The following USP40 variants were observed in gnomAD, a reference collection of about 807,000 sequenced individuals.
The protein encoded by USP40 is ubiquitin carboxyl-terminal hydrolase 40.
In USP40, 143 loss-of-function variants were observed where a neutral mutation model predicts 166.2. That is an observed-to-expected ratio of 0.86 (90% CI 0.75 to 0.99). The LOEUF is 0.99. Ranked by LOEUF, USP40 falls within the 50% of genes least tolerant of loss-of-function variation. The probability of loss-of-function intolerance (pLI) is 0.00; values close to 1 mark genes in which losing one functional copy is unlikely to be tolerated. For synonymous variants in USP40, 498 were observed against 524.0 expected (o/e 0.95, Z 0.68); for missense variants, 1,444 against 1,479.7 (o/e 0.98, Z 0.40).
chr2:233,565,431 C>T lies in USP40; in HGVS notation c.124G>A (p.Gly42Arg), dbSNP rs566205386. 26 of 1,537,220 alleles carry T rather than the reference C, an allele frequency of 1.7e-5. No individual in the cohort carries two copies. Among genetic ancestry groups the T allele is most frequent in the Admixed American group, 1.2e-4 (6 of 50,992 alleles). ...PAPREFTNLS[G>R]IRNQGGTCYL... is the part of the protein sequence containing the mutation. ...CAGGTTCCACCCTGATTTCTGATTC[C>T]GCTTAAATTGGTGAATTCTCTAGGA... The change falls in exon 2 of 32, where the codon GGA (glycine) becomes AGA (arginine). Residue 42 changes from glycine to arginine, a missense_variant. By Grantham distance (125) the Gly-to-Arg change is moderately radical. Transcript: ENST00000678225.
chr2:233,550,794 C>A (rs1009539060), intron 7 of USP40, among the ~76,000 whole-genome samples: 1 of 151,972 alleles, frequency 6.6e-6, no homozygotes, highest in Non-Finnish European at 1.5e-5. Context: ...CTTTTCTTTC[C>A]CTATGTCTTA....
At chr2:233,515,564 T>G (rs1249264705) in intron 18 of USP40, among the ~76,000 whole-genome samples, 5 of 146,546 alleles carry the variant, frequency 3.4e-5, no homozygotes, top group South Asian at 2.2e-4. Context: ...GTTACAAGGG[T>G]TTTTTTTTTT....
intron 11 of USP40, 67 bp from the exon 12 acceptor site, chr2:233,529,579 TGAAGACTAG>T: frequency 8.1e-7 from 1 of 1,238,644 alleles, no homozygotes; most frequent in Non-Finnish European, 1.1e-6. Context: ...AGAGGTAGCA[TGAAGACTAG>T]GAAGGACTGT....
chr2:233,488,065 A>G (rs1402103032), intron 28 of USP40, 174 bp downstream of exon 28: 1 of 723,994 alleles, frequency 1.4e-6, no homozygotes, highest in Non-Finnish European at 2.5e-6. Flanking sequence ...ATAAGTCCCA[A>G]GTTTTAGATG....
intron 4 of USP40, among the ~76,000 whole-genome samples, chr2:233,559,008 T>G (rs1451018095): frequency 6.6e-6 from 1 of 152,208 alleles, no homozygotes; most frequent in Non-Finnish European, 1.5e-5. Flanking sequence ...TATAACAGTA[T>G]TCCTATCGTT....
Position 233,477,390 on chromosome 2 carries a change from G to A in USP40, c.*2C>T, listed in dbSNP as rs563012944. 8.7e-6 allele frequency: 14 copies of A among 1,613,038 alleles called. No homozygotes were observed. Among genetic ancestry groups the A allele is most frequent in the South Asian group, 4.4e-5 (4 of 91,048 alleles). On this transcript the variant is annotated 3_prime_UTR_variant, in exon 32 of 32. Transcript: ENST00000678225. ...CGGGAGTAGAGCCGTGCAGCGGCGC[G>A]GTTATCTGAAGCTCCCCACGTGGAT...
intron 26 of USP40, 185 bp from the exon 27 acceptor site, chr2:233,489,668 C>T (rs1310013112): frequency 2.6e-5 from 15 of 571,386 alleles, no homozygotes; most frequent in African/African-American, 7.6e-5. Context: ...TAACCCTGAG[C>T]GGTCTTCATA....
At chr2:233,482,133 G>A (rs546289224) in intron 30 of USP40, among the ~76,000 whole-genome samples, 15 of 152,256 alleles carry the variant, frequency 9.9e-5, no homozygotes, top group South Asian at 6.2e-4. Context: ...GGAACATGTC[G>A]TGTCAAGTAT....
chr2:233,488,752 A>G (rs759179189), intron 27 of USP40, among the ~76,000 whole-genome samples: 8 of 152,280 alleles, frequency 5.3e-5, no homozygotes, highest in South Asian at 2.1e-4. Flanking sequence ...CGTCAAAACA[A>G]AAAATTAGCC....
At position 233,479,628 on chromosome 2, in the gene USP40, CGTGTGT is replaced by C. The variant is rs72454809; in HGVS notation, c.3599+1569_3599+1574del. On this transcript the variant is annotated intron_variant, in intron 31 of 31. Transcript: ENST00000678225. ...TGTATTAGACACGTATAGAATTTTA[CGTGTGT>C]GTGTGTGTGTGTGTGTGTGTGTGTG... is the stretch of plus-strand genomic sequence containing the variant. Among the ~76,000 whole-genome samples, 442 of 145,500 alleles carry C rather than the reference CGTGTGT, an allele frequency of 3.0e-3. 2 individuals are homozygous for C. Among genetic ancestry groups the C allele is most frequent in the Non-Finnish European group, 3.8e-3 (253 of 66,112 alleles).
intron 6 of USP40, among the ~76,000 whole-genome samples, chr2:233,552,107 G>GA (rs982705732): frequency 9.5e-5 from 14 of 147,026 alleles, no homozygotes; most frequent in Non-Finnish European, 1.6e-4. Context: ...TCTGTGAGGA[G>GA]AAAAAAAATC....
rs745534584 is a variant in USP40, at chr2:233,525,545, T to G, written c.1743A>C (p.Glu581Asp). 8.7e-6 allele frequency: 14 copies of G among 1,612,684 alleles called. No homozygotes were observed. The highest frequency in any genetic ancestry group is 6.7e-5 in the East Asian group (3 of 44,872). The change falls in exon 14 of 32, where the codon GAA becomes GAC. Residue 581 changes from glutamate (E) to aspartate (D), a missense_variant. Coordinates refer to ENST00000678225, the MANE Select transcript of USP40 (RefSeq NM_001365479.2). ...TTGCAACACTAAGAACCATGTCTCC[T>G]TCCCAAAATTCTAACAGCTGAAGAA... ...QSIFQLLEFW[E>D]GDMVLSVAKL... is the part of the protein sequence containing the mutation.
chr2:233,502,879 C>T (rs1412294516), intron 21 of USP40, among the ~76,000 whole-genome samples: 1 of 151,332 alleles, frequency 6.6e-6, no homozygotes, highest in African/African-American at 2.4e-5. Context: ...TAGGAAAAAG[C>T]TCCTCCCTAC....
chr2:233,528,342 C>T (rs1262471215), intron 12 of USP40, among the ~76,000 whole-genome samples: 1 of 152,066 alleles, frequency 6.6e-6, no homozygotes, highest in Non-Finnish European at 1.5e-5. Context: ...GCTAAAAGTC[C>T]TTGGCAGCAG....
rs1230577346 is a variant in USP40, at chr2:233,477,070, C to T, written c.*322G>A. 2.2e-5 allele frequency: 8 copies of T among 369,868 alleles called. No individual in the cohort carries two copies. The highest frequency in any genetic ancestry group is 4.3e-5 in the South Asian group (2 of 46,300). The allele number at this position is 369,868 out of a possible 1,614,324, so 22.9% of individuals were successfully genotyped here. A position where few individuals can be genotyped will look rare whatever the true frequency, so the allele number is the denominator to read the frequency against. ...CGGCATGCCGCTGCCTCCATACCTG[C>T]GGTTCACGCACACGTTGTGCATTTT... is the stretch of plus-strand genomic sequence containing the variant. On this transcript the variant is annotated 3_prime_UTR_variant, in exon 32 of 32. Coordinates refer to ENST00000678225, the MANE Select transcript of USP40 (RefSeq NM_001365479.2).
intron 10 of USP40, among the ~76,000 whole-genome samples, chr2:233,534,990 T>C (rs1490161640): frequency 6.6e-6 from 1 of 152,108 alleles, no homozygotes; most frequent in African/African-American, 2.4e-5. Flanking sequence ...AAAGTGAAGA[T>C]ATAATACTTC....
At chr2:233,509,926 T>C in intron 21 of USP40, 123 bp downstream of exon 21, 1 of 683,758 alleles carries the variant, frequency 1.5e-6, no homozygotes, top group South Asian at 1.7e-5. Flanking sequence ...CATATAATTC[T>C]CTGAAGTACA....
intron 28 of USP40, chr2:233,487,559 A>G (rs1193475225): frequency 6.4e-6 from 1 of 155,614 alleles, no homozygotes; most frequent in Non-Finnish European, 1.4e-5. Flanking sequence ...ACTTTCTCAT[A>G]TAACAAGCAG....
At chr2:233,479,209 C>T (rs1207176194) in intron 31 of USP40, among the ~76,000 whole-genome samples, 1 of 152,220 alleles carries the variant, frequency 6.6e-6, no homozygotes, top group African/African-American at 2.4e-5. Context: ...CTGGTGACAA[C>T]TAAGGCTTTG....
Sources: gnomAD v4.1 joint callset for allele counts (sites outside exome capture counted in the v4.1 genomes callset) on GRCh38, gnomAD v4.1.1 for gene constraint, MANE v1.5 for transcripts, NCBI Gene and HGNC (gene_info 2026-07-23, HGNC 2026-07-21) for gene names.